Variants in DEPDC1B observed in about 807,000 individuals in gnomAD.
The protein encoded by DEPDC1B is DEP domain containing 1B.
Under a neutral mutation model 66.5 loss-of-function variants are expected in DEPDC1B, and 51 were observed. The observed-to-expected ratio is 0.77, with a 90% CI of 0.61 to 0.97. The LOEUF is 0.97. Among genes scored for constraint, DEPDC1B ranks in the 50% least tolerant of loss-of-function variants. DEPDC1B has a pLI of 0.00. For missense variants in DEPDC1B, 552 were observed against 637.1 expected (o/e 0.87, Z 1.44); for synonymous variants, 226 against 223.6 (o/e 1.01, Z -0.10).
chr5:60,616,699 T>C (rs1251440973), intron 7 of DEPDC1B, among the ~76,000 whole-genome samples: 3 of 152,138 alleles, frequency 2.0e-5, no homozygotes, highest in Non-Finnish European at 2.9e-5. Context: ...TGGAACCAAG[T>C]TGGAAAAAAC....
intron 2 of DEPDC1B, among the ~76,000 whole-genome samples, chr5:60,664,980 G>A (rs1040285212): frequency 6.6e-6 from 1 of 152,100 alleles, no homozygotes; most frequent in African/African-American, 2.4e-5. Context: ...CACTGCCGGG[G>A]TCATCAGAAA....
Position 60,605,857 on chromosome 5 carries a change from C to A in DEPDC1B, c.899-1G>T. The stretch of plus-strand genomic sequence containing the variant: ...GCCACTTTCTCCTTCTGTAACAAAC[C>A]TGATTTAGAAAAAAAAAAATGTTAT... On this transcript the variant is annotated splice_acceptor_variant, in intron 7 of 10. Coordinates refer to ENST00000265036, the MANE Select transcript of DEPDC1B (RefSeq NM_018369.3). LOFTEE classifies it high-confidence loss of function. 1 of 1,600,470 alleles carries A rather than the reference C, an allele frequency of 6.2e-7. No homozygotes were observed. The highest frequency in any genetic ancestry group is 8.5e-7 in the Non-Finnish European group (1 of 1,175,340).
rs70975391 is a variant in DEPDC1B, at chr5:60,677,326, ACTCTCTCT to A, written c.314+9628_314+9635del. On this transcript the variant is annotated intron_variant, in intron 2 of 10. Coordinates refer to ENST00000265036, the MANE Select transcript of DEPDC1B (RefSeq NM_018369.3). Reference sequence around the variant, plus strand: ...CACACACACACACACACACACACACACTCTCTCTCTCTCTCTCTCTCTCTCTCTCTCTC... The same window carrying A: ...CACACACACACACACACACACACACACTCTCTCTCTCTCTCTCTCTCTCTC... 4.7e-3 allele frequency among the ~76,000 whole-genome samples: 513 copies of A among 108,542 alleles called. 4 individuals are homozygous for A. The highest frequency in any genetic ancestry group is 0.031 in the Middle Eastern group (6 of 196). The allele number at this position is 108,542 out of a possible 152,430, so 71.2% of individuals were successfully genotyped here.
chr5:60,661,459 G>T (rs905480687), intron 2 of DEPDC1B, among the ~76,000 whole-genome samples: 1 of 152,136 alleles, frequency 6.6e-6, no homozygotes, highest in Non-Finnish European at 1.5e-5. Context: ...TTTTTCAGAC[G>T]GGAAACGTTC....
At chr5:60,637,225 G>A (rs556059856) in intron 7 of DEPDC1B, among the ~76,000 whole-genome samples, 50 of 152,328 alleles carry the variant, frequency 3.3e-4, no homozygotes, top group Non-Finnish European at 5.6e-4. Context: ...TCGAGGTGGG[G>A]CATGGTGGGA....
chr5:60,640,895 A>T (rs1216292669), intron 6 of DEPDC1B, among the ~76,000 whole-genome samples: 1 of 148,550 alleles, frequency 6.7e-6, no homozygotes, highest in African/African-American at 2.4e-5. Flanking sequence ...CTGAGGGTCA[A>T]CAGGAATTTC....
In DEPDC1B at chr5:60,647,501, G is replaced by C; in HGVS notation, c.347C>G (p.Pro116Arg). The change falls in exon 3 of 11, where the codon CCA becomes CGA. Residue 116 changes from proline to arginine, a missense_variant. Pro to Arg is a moderately radical substitution (Grantham distance 103). Transcript: ENST00000265036. Reference sequence around the variant, plus strand: ...ATCCTTTTGGTTTGGGGGCTTCTTTGGATATGGTTTCAGGGGTGAAGAAGG... The same window carrying C: ...ATCCTTTTGGTTTGGGGGCTTCTTTCGATATGGTTTCAGGGGTGAAGAAGG... ...FPPSSPLKPY[P>R]KKPPNQKDVI... 6.2e-7 allele frequency: 1 copy of C among 1,612,358 alleles called. No individual in the cohort carries two copies. Among genetic ancestry groups the C allele is most frequent in the East Asian group, 2.2e-5 (1 of 44,754 alleles).
At chr5:60,690,239 A>G (rs10939859) in intron 1 of DEPDC1B, among the ~76,000 whole-genome samples, 3,961 of 152,280 alleles carry the variant, frequency 0.026, 81 homozygotes, top group Non-Finnish European at 0.043. Context: ...TAATCAGAGA[A>G]AAACTAGAAC....
chr5:60,695,757 C>G (rs1034261832), intron 1 of DEPDC1B, among the ~76,000 whole-genome samples: 10 of 152,156 alleles, frequency 6.6e-5, no homozygotes, highest in African/African-American at 2.4e-4. Context: ...CCTGGTAGGA[C>G]AAGGCCCCTG....
At position 60,606,004 on chromosome 5, in the gene DEPDC1B, A is replaced by G. The variant is rs896152285; in HGVS notation, c.899-148T>C. ...TACTGGGTCAATTGAATATAGATCCATTGTCACTCACAAATCACTATAGAA... is the reference window on the plus strand; with the variant it reads ...TACTGGGTCAATTGAATATAGATCCGTTGTCACTCACAAATCACTATAGAA... On this transcript the variant is annotated intron_variant, in intron 7 of 10. Coordinates refer to ENST00000265036, the MANE Select transcript of DEPDC1B (RefSeq NM_018369.3). The G allele has an allele frequency of 6.2e-6, 4 of 646,880 alleles. No homozygotes were observed. In the East Asian group the frequency reaches 1.2e-4, roughly 20 times the overall value. The allele number at this position is 646,880 out of a possible 1,614,324, so 40.1% of individuals were successfully genotyped here.
At chr5:60,691,581 A>G (rs1389585463) in intron 1 of DEPDC1B, among the ~76,000 whole-genome samples, 1 of 152,228 alleles carries the variant, frequency 6.6e-6, no homozygotes, top group Non-Finnish European at 1.5e-5. Flanking sequence ...TGAGTAGGAT[A>G]AGATATATCT....
At position 60,700,104 on chromosome 5, in the gene DEPDC1B, C is replaced by G. The variant is rs778868741; in HGVS notation, c.-11G>C. The G allele has an allele frequency of 1.1e-5, 17 of 1,547,426 alleles. No individual in the cohort carries two copies. Among genetic ancestry groups the G allele is most frequent in the Non-Finnish European group, 1.3e-5 (15 of 1,148,602 alleles). ...GATGCGATGCTCCATGGCGCGTAGG[C>G]AGCAGCGGCCGCAGCCGCGCCAGCG... On this transcript the variant is annotated 5_prime_UTR_variant, in exon 1 of 11. Coordinates refer to ENST00000265036, the MANE Select transcript of DEPDC1B (RefSeq NM_018369.3).
chr5:60,612,436 A>G (rs1381291587), intron 7 of DEPDC1B, among the ~76,000 whole-genome samples: 1 of 151,392 alleles, frequency 6.6e-6, no homozygotes, highest in Non-Finnish European at 1.5e-5. Flanking sequence ...AAAAAAAAAA[A>G]AATAGAATTA....
chr5:60,648,685 C>A (rs747606602), intron 2 of DEPDC1B, among the ~76,000 whole-genome samples: 15 of 152,102 alleles, frequency 9.9e-5, no homozygotes, highest in African/African-American at 3.6e-4. Context: ...TATCCAATAA[C>A]TATTTTAAAC....
chr5:60,643,306 CAT>C (rs1446902333), intron 5 of DEPDC1B, among the ~76,000 whole-genome samples: 1 of 152,234 alleles, frequency 6.6e-6, no homozygotes, highest in African/African-American at 2.4e-5. Flanking sequence ...TATCATTTTA[CAT>C]GTTTCCATTT....
Position 60,597,355 on chromosome 5 carries a change from A to T in DEPDC1B, c.*398T>A. The T allele has an allele frequency of 6.0e-6, 1 of 165,446 alleles. No homozygotes were observed. Among genetic ancestry groups the T allele is most frequent in the East Asian group, 1.9e-4 (1 of 5,320 alleles). 10.2% of individuals were successfully genotyped at this position (165,446 alleles called of 1,614,324 possible). A position where few individuals can be genotyped will look rare whatever the true frequency, so the allele number is the denominator to read the frequency against. Reference sequence around the variant, plus strand: ...TACCCAGTGTCTTTCTTATTCAAGTATACACGCTATTTTTAAGACTTAAAA... The same window carrying T: ...TACCCAGTGTCTTTCTTATTCAAGTTTACACGCTATTTTTAAGACTTAAAA... On this transcript the variant is annotated 3_prime_UTR_variant, in exon 11 of 11. Transcript: ENST00000265036.
At chr5:60,647,162 G>T (rs931457475) in intron 3 of DEPDC1B, among the ~76,000 whole-genome samples, 21 of 150,112 alleles carry the variant, frequency 1.4e-4, no homozygotes, top group Non-Finnish European at 2.8e-4. Context: ...GTGCCAAAAA[G>T]GTTGGGGACT....
At chr5:60,615,686 T>G (rs1363815005) in intron 7 of DEPDC1B, among the ~76,000 whole-genome samples, 2 of 152,188 alleles carry the variant, frequency 1.3e-5, no homozygotes, top group Non-Finnish European at 2.9e-5. Flanking sequence ...CAAGGAGGCC[T>G]GCCTGCCTCT....
Position 60,647,388 on chromosome 5 carries a change from T to C in DEPDC1B, c.450+10A>G, listed in dbSNP as rs1753343495. 1 of 1,592,356 alleles carries C rather than the reference T, an allele frequency of 6.3e-7. No individual in the cohort carries two copies. Among genetic ancestry groups the C allele is most frequent in the Non-Finnish European group, 8.5e-7 (1 of 1,172,472 alleles). ...TGCCAGCCCTTCCATCTTTCAGTCA[T>C]GGCACTTACCATCACAACTGGCCTC... On this transcript the variant is annotated intron_variant, in intron 3 of 10. Transcript: ENST00000265036.
Sources: allele counts gnomAD v4.1 joint callset (sites outside exome capture counted in the v4.1 genomes callset), GRCh38; gene constraint gnomAD v4.1.1; transcripts MANE v1.5; gene names NCBI Gene and HGNC (gene_info 2026-07-23, HGNC 2026-07-21).